TBPL2: variants seen among roughly 807,000 people sequenced by gnomAD.
The protein encoded by TBPL2 is TATA-box binding protein like 2, also known as TATA box-binding protein-like 2.
TBPL2 carries 40 observed loss-of-function variants against 38.2 expected under a neutral mutation model. That is an observed-to-expected ratio of 1.05 (90% CI 0.81 to 1.36). TBPL2 has a LOEUF of 1.36. Among genes scored for constraint, TBPL2 ranks in the 40% most tolerant of loss-of-function variants. The pLI is 0.00. For missense variants in TBPL2, 461 were observed against 456.7 expected (o/e 1.01, Z -0.09); for synonymous variants, 169 against 171.7 (o/e 0.98, Z 0.12).
rs191893197 is a variant in TBPL2, at chr14:55,435,079, G to A, written c.696+768C>T. ...GATTTTATTAAACTTTGAGGAGGAC[G>A]AAAAAAAAAATCCCTGAATCTTACA... is the stretch of plus-strand genomic sequence containing the variant. On this transcript the variant is annotated intron_variant, in intron 3 of 6. Transcript: ENST00000247219. Among the ~76,000 whole-genome samples, 434 of 149,022 alleles carry A rather than the reference G, an allele frequency of 2.9e-3. 3 individuals are homozygous for A. The highest frequency in any genetic ancestry group is 0.01 in the African/African-American group (413 of 40,764).
At chr14:55,422,286 A>T (rs1314587072) in intron 6 of TBPL2, among the ~76,000 whole-genome samples, 1 of 152,154 alleles carries the variant, frequency 6.6e-6, no homozygotes, top group African/African-American at 2.4e-5. Flanking sequence ...TGAAATGTAT[A>T]AAAAGACAAA....
exon 2 of TBPL2, chr14:55,436,669 T>C: frequency 6.2e-7 from 1 of 1,614,252 alleles, no homozygotes; most frequent in Non-Finnish European, 8.5e-7. Flanking sequence ...AGGAGAGGGC[T>C]GGACTGAGTC....
intron 1 of TBPL2, among the ~76,000 whole-genome samples, chr14:55,439,185 T>A (rs558058171): frequency 1.3e-5 from 2 of 151,320 alleles, no homozygotes; most frequent in South Asian, 2.1e-4. Context: ...ATGAGCCACG[T>A]GCCTCGGCCT....
At chr14:55,432,962 T>C (rs577693399) in intron 4 of TBPL2, among the ~76,000 whole-genome samples, 6 of 152,258 alleles carry the variant, frequency 3.9e-5, no homozygotes, top group Non-Finnish European at 8.8e-5. Flanking sequence ...GTTCTATCCA[T>C]TTATCTGCAA....
At position 55,440,084 on chromosome 14, in the gene TBPL2, T is replaced by C. The variant is rs114133566; in HGVS notation, c.150+312A>G. On this transcript the variant is annotated intron_variant, in intron 1 of 6. Coordinates refer to ENST00000247219, the Ensembl canonical transcript of TBPL2. The stretch of plus-strand genomic sequence containing the variant: ...CACTGCACTCCAGCCTGGGCGAGAC[T>C]CCATCTCAGAGAAAAATCAATCAAT... Among the ~76,000 whole-genome samples, 1,238 of 151,688 alleles carry C rather than the reference T, an allele frequency of 8.2e-3. 11 individuals carry two copies. Among genetic ancestry groups the C allele is most frequent in the African/African-American group, 0.023 (964 of 41,146 alleles).
intron 6 of TBPL2, among the ~76,000 whole-genome samples, chr14:55,423,784 T>G (rs1484120312): frequency 6.6e-6 from 1 of 152,216 alleles, no homozygotes; most frequent in East Asian, 1.9e-4. Flanking sequence ...TCACAAAGCT[T>G]AAAATATTTA....
At chr14:55,422,703 AT>A (rs1374067715) in intron 6 of TBPL2, among the ~76,000 whole-genome samples, 1 of 151,900 alleles carries the variant, frequency 6.6e-6, no homozygotes, top group Non-Finnish European at 1.5e-5. Context: ...AATACAAAAC[AT>A]TAGCTGGGCA....
At chr14:55,421,495 A>G (rs12886310) in intron 6 of TBPL2, among the ~76,000 whole-genome samples, 43,842 of 152,048 alleles carry the variant, frequency 0.29, 8,473 homozygotes, top group African/African-American at 0.56. Flanking sequence ...ATGAAGTCTC[A>G]CTCTGTCACC....
At chr14:55,417,751 A>T (rs1024233763) in intron 6 of TBPL2, among the ~76,000 whole-genome samples, 3 of 152,102 alleles carry the variant, frequency 2.0e-5, no homozygotes, top group Non-Finnish European at 4.4e-5. Flanking sequence ...CTTGCCTTTT[A>T]AGCAAAACTT....
chr14:55,423,929 A>C (rs1187022967), intron 6 of TBPL2, among the ~76,000 whole-genome samples: 1 of 152,256 alleles, frequency 6.6e-6, no homozygotes, highest in Non-Finnish European at 1.5e-5. Flanking sequence ...CTGTAAAAAA[A>C]TCAGGATGTA....
At chr14:55,440,576 G>A in exon 1 of TBPL2, 1 of 1,560,410 alleles carries the variant, frequency 6.4e-7, no homozygotes, top group Non-Finnish European at 8.7e-7. Context: ...AGGCGGGGCG[G>A]CCCTCGGCCC....
intron 5 of TBPL2, among the ~76,000 whole-genome samples, chr14:55,427,921 C>T (rs1180116658): frequency 2.0e-5 from 3 of 147,920 alleles, no homozygotes; most frequent in African/African-American, 5.0e-5. Context: ...GGCTGTGGCC[C>T]GGGCTGGAGT....
intron 4 of TBPL2, among the ~76,000 whole-genome samples, chr14:55,429,454 A>G: frequency 6.6e-6 from 1 of 152,160 alleles, no homozygotes. Flanking sequence ...TCCAGTCTCA[A>G]AGTATGTCCC....
At chr14:55,420,460 T>C (rs536342926) in intron 6 of TBPL2, among the ~76,000 whole-genome samples, 3 of 152,378 alleles carry the variant, frequency 2.0e-5, no homozygotes, top group South Asian at 2.1e-4. Context: ...TGCGTAGCTC[T>C]AGGCTAAATA....
At chr14:55,435,870 T>C in exon 3 of TBPL2, 1 of 1,570,964 alleles carries the variant, frequency 6.4e-7, no homozygotes, top group South Asian at 1.2e-5. Flanking sequence ...TCTGCATTTT[T>C]TGCATGCAAA....
chr14:55,433,745 A>G, intron 3 of TBPL2, 24 bp from the exon 4 acceptor site: 1 of 1,607,784 alleles, frequency 6.2e-7, no homozygotes, highest in Non-Finnish European at 8.5e-7. Context: ...CCAAAAGAGA[A>G]TTAGCCTCTG....
chr14:55,414,247 T>TA (rs1885635313), exon 7 of TBPL2: 1 of 680,282 alleles, frequency 1.5e-6, no homozygotes, highest in Admixed American at 2.9e-5. Context: ...TTAGGTTACT[T>TA]ACACAGAGTC....
chr14:55,440,411 G>A, exon 1 of TBPL2: 1 of 1,613,026 alleles, frequency 6.2e-7, no homozygotes. Flanking sequence ...CGGCGCACTG[G>A]TCCAGGTAGA....
At chr14:55,417,241 A>G (rs1008562879) in intron 6 of TBPL2, among the ~76,000 whole-genome samples, 34 of 152,284 alleles carry the variant, frequency 2.2e-4, no homozygotes, top group African/African-American at 8.2e-4. Context: ...TCCTTCCTTT[A>G]CACCAAAAGT....
Sources: gnomAD v4.1 joint callset for allele counts (sites outside exome capture counted in the v4.1 genomes callset) on GRCh38, gnomAD v4.1.1 for gene constraint, MANE v1.5 for transcripts, NCBI Gene and HGNC (gene_info 2026-07-23, HGNC 2026-07-21) for gene names.